The following CEP295 variants were observed in gnomAD, a reference collection of about 807,000 sequenced individuals.
CEP295 encodes centrosomal protein of 295 kDa.
CEP295 carries 190 observed loss-of-function variants against 291.6 expected under a neutral mutation model. That is an observed-to-expected ratio of 0.65 (90% confidence interval 0.58 to 0.73). CEP295 has a LOEUF of 0.73. Ranked by LOEUF, CEP295 falls within the 30% of genes least tolerant of loss-of-function variation. The probability of loss-of-function intolerance (pLI) is 0.00; values close to 1 mark genes in which losing one functional copy is unlikely to be tolerated. For missense variants in CEP295, 2,863 were observed against 2,949.4 expected (o/e 0.97, Z 0.68); for synonymous variants, 993 against 1,038.8 (o/e 0.96, Z 0.85).
chr11:93,721,994 T>G lies in CEP295; in HGVS notation c.5891T>G (p.Val1964Gly). Residue 1964 changes from valine (V) to glycine (G), a missense_variant, in exon 20 of 30, where the codon GTT becomes GGT. Val to Gly is a moderately radical substitution (Grantham distance 109). Transcript: ENST00000325212. ...LSYEPLSSAT[V>G]STGSLLSYEN... The stretch of plus-strand genomic sequence containing the variant: ...TATGAACCATTATCTTCAGCAACTG[T>G]TTCCACTGGGAGCCTTTTAAGTTAT... The G allele has an allele frequency of 6.3e-7, 1 of 1,587,462 alleles. No homozygotes were observed. Among genetic ancestry groups the G allele is most frequent in the South Asian group, 1.1e-5 (1 of 88,742 alleles).
intron 20 of CEP295, among the ~76,000 whole-genome samples, chr11:93,722,307 CAA>C (rs1387510229): frequency 6.6e-6 from 1 of 151,926 alleles, no homozygotes; most frequent in African/African-American, 2.4e-5. Flanking sequence ...CAAAAAAATA[CAA>C]AAGTTAGCCA....
chr11:93,695,699 A>C, intron 13 of CEP295, 65 bp downstream of exon 13: 2 of 1,457,656 alleles, frequency 1.4e-6, no homozygotes, highest in Non-Finnish European at 1.8e-6. Context: ...AAATATGAGC[A>C]CTTGTAGCGT....
Position 93,698,888 on chromosome 11 carries a change from A to G in CEP295, c.3976A>G (p.Ser1326Gly). ...AGAGAGTGAAAGTAAAATTTTTTCA[A>G]GCCACCTTCAGATCCCACAATTGCA... ...FTESESKIFS[S>G]HLQIPQLQDR... The change falls in exon 15 of 30, where the codon AGC (serine) becomes GGC (glycine). Residue 1326 changes from serine to glycine, a missense_variant. Physicochemically the swap from Ser to Gly is moderately conservative, Grantham distance 56. Transcript: ENST00000325212. 1 of 1,551,696 alleles carries G rather than the reference A, an allele frequency of 6.4e-7. No individual in the cohort carries two copies. The highest frequency in any genetic ancestry group is 8.7e-7 in the Non-Finnish European group (1 of 1,146,970).
intron 2 of CEP295, 65 bp downstream of exon 2, chr11:93,666,880 AT>A: frequency 1.0e-6 from 1 of 959,120 alleles, no homozygotes; most frequent in Non-Finnish European, 1.6e-6. Context: ...ATTCTTTTAC[AT>A]TAGAGTGTTC....
At chr11:93,685,525 A>G (rs560638384) in intron 9 of CEP295, among the ~76,000 whole-genome samples, 68 of 152,158 alleles carry the variant, frequency 4.5e-4, no homozygotes, top group African/African-American at 1.6e-3. Context: ...TAAGGTTACT[A>G]CCAGCAACTG....
At chr11:93,702,662 A>AT in intron 16 of CEP295, 25 bp downstream of exon 16, 1 of 1,532,920 alleles carries the variant, frequency 6.5e-7, no homozygotes, top group Non-Finnish European at 8.8e-7. Context: ...TTTGATTGTA[A>AT]TTATTTCACT....
chr11:93,666,455 G>A (rs995258260), intron 1 of CEP295, among the ~76,000 whole-genome samples: 4 of 152,034 alleles, frequency 2.6e-5, no homozygotes, highest in African/African-American at 7.2e-5. Context: ...TTAGCTGGGC[G>A]TGGTGGCATG....
At chr11:93,718,901 G>A (rs575622494) in intron 18 of CEP295, among the ~76,000 whole-genome samples, 2 of 152,288 alleles carry the variant, frequency 1.3e-5, no homozygotes, top group East Asian at 3.9e-4. Context: ...ATAAGGTCAG[G>A]AATTCGAGAC....
Position 93,724,255 on chromosome 11 carries a change from A to G in CEP295, c.6198A>G (p.Glu2066=). The G allele has an allele frequency of 6.5e-7, 1 of 1,546,690 alleles. No individual in the cohort carries two copies. The highest frequency in any genetic ancestry group is 8.7e-7 in the Non-Finnish European group (1 of 1,145,712). ...TAACAGTTGACCTTGACTTTCCAGAATTGGAACACATTTTTCCTAATTTGC... is the reference window on the plus strand; with the variant it reads ...TAACAGTTGACCTTGACTTTCCAGAGTTGGAACACATTTTTCCTAATTTGC... The part of the protein sequence containing the change: ...NLIPEKTDLQ[E]LEHIFPNLHH... Residue 2066 remains glutamate (E), a splice_region_variant and synonymous_variant, in exon 22 of 30, where the codon GAA becomes GAG. Coordinates refer to ENST00000325212, the MANE Select transcript of CEP295 (RefSeq NM_033395.2).
At chr11:93,693,036 G>A (rs1298445986) in intron 12 of CEP295, among the ~76,000 whole-genome samples, 5 of 150,574 alleles carry the variant, frequency 3.3e-5, no homozygotes, top group Admixed American at 6.6e-5. Context: ...CCAGCACTTT[G>A]GGAGGCTGAG....
intron 17 of CEP295, 108 bp downstream of exon 17, chr11:93,703,027 G>C (rs1447267830): frequency 1.1e-6 from 1 of 879,224 alleles, no homozygotes; most frequent in Non-Finnish European, 1.7e-6. Flanking sequence ...GCAATGGTGT[G>C]ATCTCAGCTC....
intron 25 of CEP295, 23 bp downstream of exon 25, chr11:93,728,844 T>C (rs1311911262): frequency 3.9e-6 from 6 of 1,522,232 alleles, no homozygotes. Flanking sequence ...TTTCCTTCTA[T>C]TTTATTCTAT....
Position 93,708,510 on chromosome 11 carries a change from C to T in CEP295, c.5749+1613C>T, listed in dbSNP as rs150659010. Among the ~76,000 whole-genome samples the T allele has an allele frequency of 2.6e-5, 4 of 152,130 alleles. No homozygotes were observed. The East Asian group carries it at 7.8e-4, about 29-fold the overall frequency. ...TGTTCCTTTTTATGGCTGAATTGTACTCCATTGTGATACGTGCCACTTTTT... is the reference window on the plus strand; with the variant it reads ...TGTTCCTTTTTATGGCTGAATTGTATTCCATTGTGATACGTGCCACTTTTT... On this transcript the variant is annotated intron_variant, in intron 18 of 29. Transcript: ENST00000325212.
chr11:93,725,026 A>G (rs2515071), intron 22 of CEP295, among the ~76,000 whole-genome samples: 151,051 of 152,244 alleles, frequency 0.99, 74,956 homozygotes, highest in Middle Eastern at 1. Flanking sequence ...AGTCTGAGGC[A>G]GGTGGATTGC....
rs1384834913 is a variant in CEP295, at chr11:93,729,667, A to G, written c.7453A>G (p.Lys2485Glu). 1.9e-6 allele frequency: 3 copies of G among 1,551,056 alleles called. No homozygotes were observed. The highest frequency in any genetic ancestry group is 2.0e-5 in the Admixed American group (1 of 50,890). The change falls in exon 27 of 30, where the codon AAG (lysine) becomes GAG (glutamate). Residue 2485 changes from lysine (K) to glutamate (E), a missense_variant. Lys to Glu is a moderately conservative substitution (Grantham distance 56). This residue lies in a region of CEP295 where 2,295 missense variants were observed against 2,335.7 expected (regional missense o/e 0.98). Transcript: ENST00000325212. ...VPGSLQEAFI[K>E]RKKSFMERSH... is the part of the protein sequence containing the mutation. ...AGGGAGCTTACAAGAAGCATTTATA[A>G]AGAGGAAAAAATCATTTATGGAGAG... is the stretch of plus-strand genomic sequence containing the variant.
At chr11:93,691,226 G>A (rs917589698) in intron 10 of CEP295, among the ~76,000 whole-genome samples, 1 of 152,168 alleles carries the variant, frequency 6.6e-6, no homozygotes, top group African/African-American at 2.4e-5. Flanking sequence ...GTGAATGAAC[G>A]GATAGCTCCA....
intron 18 of CEP295, among the ~76,000 whole-genome samples, chr11:93,720,490 A>AAAAGG (rs1555005879): frequency 2.2e-4 from 1 of 4,452 alleles, no homozygotes; most frequent in Non-Finnish European, 1.5e-3. Flanking sequence ...AAAAAAAAAA[A>AAAAGG]CTGTCTCTAA....
chr11:93,671,171 C>G (rs1276253928), intron 5 of CEP295, among the ~76,000 whole-genome samples: 2 of 152,248 alleles, frequency 1.3e-5, no homozygotes, highest in African/African-American at 2.4e-5. Context: ...ATGTGAGCCA[C>G]TGCACCCAGC....
chr11:93,695,430 G>T, intron 12 of CEP295, 67 bp from the exon 13 acceptor site: 1 of 1,074,972 alleles, frequency 9.3e-7, no homozygotes, highest in Non-Finnish European at 1.2e-6. Context: ...CTTTTAAATG[G>T]AACGTGTGTT....
Sources: allele counts gnomAD v4.1 joint callset (sites outside exome capture counted in the v4.1 genomes callset), GRCh38; gene constraint gnomAD v4.1.1; regional missense constraint gnomAD v4.1.1; transcripts MANE v1.5; gene names NCBI Gene and HGNC (gene_info 2026-07-23, HGNC 2026-07-21).